The following SGK3 variants were observed in gnomAD, a reference collection of about 807,000 sequenced individuals.
The protein encoded by SGK3 is serum/glucocorticoid regulated kinase family member 3.
A neutral mutation model predicts 68.5 loss-of-function variants in SGK3; 47 were observed. That is an observed-to-expected ratio of 0.69 (90% CI 0.54 to 0.87). The LOEUF is 0.87. Ranked by LOEUF, SGK3 falls within the 40% of genes least tolerant of loss-of-function variation. The pLI, the probability that SGK3 is intolerant of heterozygous loss-of-function variation, is 0.00. For missense variants in SGK3, 479 were observed against 575.5 expected (o/e 0.83, Z 1.72); for synonymous variants, 181 against 189.1 (o/e 0.96, Z 0.35).
intron 5 of SGK3, 31 bp downstream of exon 5, chr8:66,813,959 C>A: frequency 6.6e-7 from 1 of 1,524,456 alleles, no homozygotes; most frequent in Non-Finnish European, 8.8e-7. Flanking sequence ...TCTAAAGGGA[C>A]ATTAAAACTA....
At chr8:66,838,290 T>C (rs573635084) in intron 10 of SGK3, among the ~76,000 whole-genome samples, 16 of 152,198 alleles carry the variant, frequency 1.1e-4, no homozygotes, top group Admixed American at 9.8e-4. Context: ...GGTCTCAAAC[T>C]CCTGACCTCA....
In SGK3 at chr8:66,751,579, A is replaced by G. The variant is rs537061027; in HGVS notation, c.-122+38746A>G. On this transcript the variant is annotated intron_variant, in intron 1 of 16. Coordinates refer to ENST00000521198, the MANE Select transcript of SGK3 (RefSeq NM_001033578.3). ...ATAATTATGTTAATGAATTATAAATATGGTATGACATTTTGAATTATTTTG... is the reference window on the plus strand; with the variant it reads ...ATAATTATGTTAATGAATTATAAATGTGGTATGACATTTTGAATTATTTTG... 2.6e-5 allele frequency among the ~76,000 whole-genome samples: 4 copies of G among 152,228 alleles called. No homozygotes were observed. In the East Asian group the frequency reaches 5.8e-4, roughly 22 times the overall value.
intron 16 of SGK3, among the ~76,000 whole-genome samples, chr8:66,854,761 GA>G (rs1810438372): frequency 6.6e-6 from 1 of 152,158 alleles, no homozygotes; most frequent in Non-Finnish European, 1.5e-5. Context: ...GAGAAAAAAG[GA>G]ATTAACTTCT....
intron 14 of SGK3, among the ~76,000 whole-genome samples, chr8:66,844,991 C>T (rs2130734339): frequency 6.6e-6 from 1 of 152,304 alleles, no homozygotes; most frequent in South Asian, 2.1e-4. Context: ...CAGAATCCTT[C>T]AAATTTATTT....
intron 1 of SGK3, among the ~76,000 whole-genome samples, chr8:66,741,807 C>A (rs78723712): frequency 0.032 from 4,886 of 152,286 alleles, 137 homozygotes; most frequent in African/African-American, 0.067. Context: ...AAGGGATAGG[C>A]ACAGTACCAG....
intron 4 of SGK3, among the ~76,000 whole-genome samples, chr8:66,806,191 C>T (rs1175426670): frequency 1.5e-4 from 22 of 150,858 alleles, no homozygotes; most frequent in Admixed American, 1.4e-3. Context: ...TTCTCTCTTT[C>T]TTTCTTTTTT....
At chr8:66,796,577 A>C (rs1807705321) in intron 2 of SGK3, among the ~76,000 whole-genome samples, 2 of 150,768 alleles carry the variant, frequency 1.3e-5, no homozygotes, top group African/African-American at 4.9e-5. Flanking sequence ...GGATTACAGG[A>C]ATGAGCCACC....
At chr8:66,774,937 A>T (rs1457926885) in intron 1 of SGK3, among the ~76,000 whole-genome samples, 1 of 152,120 alleles carries the variant, frequency 6.6e-6, no homozygotes, top group Non-Finnish European at 1.5e-5. Flanking sequence ...GTGCCTTCTC[A>T]TTCCTTGCCC....
intron 1 of SGK3, among the ~76,000 whole-genome samples, chr8:66,719,243 A>G (rs1804730718): frequency 6.6e-6 from 1 of 151,834 alleles, no homozygotes; most frequent in Non-Finnish European, 1.5e-5. Flanking sequence ...TTGTGTATCT[A>G]TATATGTACA....
chr8:66,816,474 T>G (rs1451778667), intron 5 of SGK3, among the ~76,000 whole-genome samples: 2 of 151,192 alleles, frequency 1.3e-5, no homozygotes, highest in Non-Finnish European at 2.9e-5. Flanking sequence ...GCCTCCCAAG[T>G]GGATGGGATT....
rs1206687597 is a variant in SGK3, at chr8:66,755,076, T to G, written c.-121-38540T>G. On this transcript the variant is annotated intron_variant, in intron 1 of 16. Coordinates refer to ENST00000521198, the MANE Select transcript of SGK3 (RefSeq NM_001033578.3). ...GAGTTCAAGACCACCCTGACCAACA[T>G]GGTGAAACCTCGTCTCTACTAAAAA... Among the ~76,000 whole-genome samples, 3 of 151,934 alleles carry G rather than the reference T, an allele frequency of 2.0e-5. No homozygotes were observed. The East Asian group carries it at 5.8e-4, about 29-fold the overall frequency.
chr8:66,735,450 C>T (rs1197958326), intron 1 of SGK3, among the ~76,000 whole-genome samples: 4 of 152,134 alleles, frequency 2.6e-5, no homozygotes, highest in South Asian at 2.1e-4. Flanking sequence ...TCTTCTCATG[C>T]GCTTTTAATG....
Position 66,859,953 on chromosome 8 carries a change from A to G in SGK3, c.*372A>G, listed in dbSNP as rs566451326. ...GTCAATTTCAGTTCAGCTAACATAT[A>G]TTAATACCTTTGTAACTCTTTGCTA... On this transcript the variant is annotated 3_prime_UTR_variant, in exon 17 of 17. Coordinates refer to ENST00000521198, the MANE Select transcript of SGK3 (RefSeq NM_001033578.3). 74 of 162,724 alleles carry G rather than the reference A, an allele frequency of 4.5e-4. No individual in the cohort carries two copies. Among genetic ancestry groups the G allele is most frequent in the Non-Finnish European group, 7.9e-4 (59 of 74,214 alleles). The allele number at this position is 162,724 out of a possible 1,614,324, so 10.1% of individuals were successfully genotyped here.
At position 66,822,562 on chromosome 8, in the gene SGK3, T is replaced by C; in HGVS notation, c.417+103T>C. The C allele has an allele frequency of 2.7e-6, 3 of 1,102,960 alleles. No individual in the cohort carries two copies. The East Asian group carries it at 7.5e-5, about 28-fold the overall frequency. 68.3% of individuals were successfully genotyped at this position (1,102,960 alleles called of 1,614,324 possible). A position where few individuals can be genotyped will look rare whatever the true frequency, so the allele number is the denominator to read the frequency against. ...TCAAATGAAGTAATTTCATCCATAGTAGAGTTTCTACTATGTAGAACACAT... is the reference window on the plus strand; with the variant it reads ...TCAAATGAAGTAATTTCATCCATAGCAGAGTTTCTACTATGTAGAACACAT... On this transcript the variant is annotated intron_variant, in intron 6 of 16. Coordinates refer to ENST00000521198, the MANE Select transcript of SGK3 (RefSeq NM_001033578.3).
At position 66,793,681 on chromosome 8, in the gene SGK3, G is replaced by A. The variant is rs1160796908; in HGVS notation, c.-56G>A. 6.5e-7 allele frequency: 1 copy of A among 1,547,434 alleles called. No homozygotes were observed. The highest frequency in any genetic ancestry group is 8.8e-7 in the Non-Finnish European group (1 of 1,135,740). On this transcript the variant is annotated 5_prime_UTR_variant, in exon 2 of 17. Transcript: ENST00000521198. ...TATTTTGGATTAGTTAATTGGGTTT[G>A]TCCTCTGCTGACTGTTTCTTCGGAT...
intron 1 of SGK3, chr8:66,775,323 A>C (rs915652348): frequency 6.6e-6 from 1 of 152,298 alleles, no homozygotes; most frequent in Non-Finnish European, 1.5e-5. Context: ...CCCGAAGGTA[A>C]GCGTGTGGCT....
chr8:66,849,593 ATT>A (rs755457958), intron 15 of SGK3, among the ~76,000 whole-genome samples: 2,175 of 122,692 alleles, frequency 0.018, 49 homozygotes, highest in African/African-American at 0.058. Context: ...TTGGGGGAAT[ATT>A]TTTTTTTTTT....
intron 1 of SGK3, among the ~76,000 whole-genome samples, chr8:66,736,244 G>T (rs1267186422): frequency 6.6e-6 from 1 of 152,076 alleles, no homozygotes; most frequent in Non-Finnish European, 1.5e-5. Context: ...TTCTGCATAT[G>T]CAGATTAAAA....
chr8:66,804,498 G>C, intron 4 of SGK3, 51 bp downstream of exon 4: 2 of 1,578,496 alleles, frequency 1.3e-6, no homozygotes, highest in Non-Finnish European at 1.7e-6. Flanking sequence ...GAAGTTTGAA[G>C]AAGTAAATTA....
Sources: allele counts gnomAD v4.1 joint callset (sites outside exome capture counted in the v4.1 genomes callset), GRCh38; gene constraint gnomAD v4.1.1; transcripts MANE v1.5; gene names NCBI Gene and HGNC (gene_info 2026-07-23, HGNC 2026-07-21).